ATAD1: variants seen among roughly 807,000 people sequenced by gnomAD.
ATAD1 encodes ATPase family AAA domain containing 1.
Under a neutral mutation model 42.7 loss-of-function variants are expected in ATAD1, and 18 were observed. The observed-to-expected ratio is 0.42, with a 90% CI of 0.29 to 0.63. ATAD1 has a LOEUF of 0.63. Among genes scored for constraint, ATAD1 ranks in the 20% least tolerant of loss-of-function variants. The pLI is 0.19. For synonymous variants in ATAD1, 132 were observed against 143.1 expected (o/e 0.92, Z 0.55); for missense variants, 294 against 440.4 (o/e 0.67, Z 2.98).
At chr10:87,809,941 C>T (rs1857107131) in intron 2 of ATAD1, among the ~76,000 whole-genome samples, 1 of 151,970 alleles carries the variant, frequency 6.6e-6, no homozygotes, top group Non-Finnish European at 1.5e-5. Flanking sequence ...CCACCGTGCC[C>T]GGCCCTTGTT....
At chr10:87,785,391 T>A (rs1258203134) in intron 4 of ATAD1, among the ~76,000 whole-genome samples, 1 of 149,254 alleles carries the variant, frequency 6.7e-6, no homozygotes, top group Non-Finnish European at 1.5e-5. Flanking sequence ...TAATACTAAA[T>A]ATATAATACT....
At chr10:87,817,998 T>G in intron 1 of ATAD1, 169 bp downstream of exon 1, 18 of 985,610 alleles carry the variant, frequency 1.8e-5, no homozygotes, top group Non-Finnish European at 2.2e-5. Flanking sequence ...AGGTTAATCC[T>G]CTAGATACTA....
At chr10:87,807,565 T>C (rs1173914814) in intron 2 of ATAD1, among the ~76,000 whole-genome samples, 1 of 152,186 alleles carries the variant, frequency 6.6e-6, no homozygotes, top group East Asian at 1.9e-4. Flanking sequence ...TTTTCATATG[T>C]TTATTGACCA....
At chr10:87,818,355 G>A (rs74146227), upstream of ATAD1, 4,028 of 702,956 alleles carry the variant, frequency 5.7e-3, 126 homozygotes, top group African/African-American at 0.069. Context: ...GAGCAAATTC[G>A]CGCACCTGAT....
chr10:87,793,355 T>A (rs756460947), intron 2 of ATAD1, among the ~76,000 whole-genome samples: 107 of 152,160 alleles, frequency 7.0e-4, no homozygotes, highest in Non-Finnish European at 1.4e-3. Context: ...GCATTAAACC[T>A]ATGAGTTCTA....
At chr10:87,784,735 A>G (rs1450623328) in intron 4 of ATAD1, 65 bp from the exon 5 acceptor site, 1 of 1,434,580 alleles carries the variant, frequency 7.0e-7, no homozygotes, top group Admixed American at 2.1e-5. Flanking sequence ...ATGATAATCA[A>G]TAGAATAGTA....
intron 6 of ATAD1, among the ~76,000 whole-genome samples, chr10:87,771,755 A>T (rs80220735): frequency 2.1e-5 from 3 of 139,874 alleles, no homozygotes; most frequent in Non-Finnish European, 3.2e-5. Flanking sequence ...TGTAGAGATT[A>T]AAAAAAAAAA....
chr10:87,761,745 T>G (rs1589461471), intron 8 of ATAD1, among the ~76,000 whole-genome samples: 1 of 152,172 alleles, frequency 6.6e-6, no homozygotes. Context: ...AATACTAAAA[T>G]TAAGAGACAT....
rs1856178739 is a variant in ATAD1 at position 87,792,591 on chromosome 10, T to C, written c.261+66A>G. 4 of 1,224,014 alleles carry C rather than the reference T, an allele frequency of 3.3e-6. No individual in the cohort carries two copies. In the Admixed American group the frequency reaches 5.5e-5, roughly 17 times the overall value. The allele number at this position is 1,224,014 out of a possible 1,614,324, so 75.8% of individuals were successfully genotyped here. On this transcript the variant is annotated intron_variant, in intron 3 of 9. Coordinates refer to ENST00000680024, the MANE Select transcript of ATAD1 (RefSeq NM_001321967.2). ...ACCCGGCCGTGATCTTTAAGACCCC[T>C]GACACAAAATGCTAGAACCCACCCC...
chr10:87,778,761 C>A (rs555418474), intron 5 of ATAD1, among the ~76,000 whole-genome samples: 1 of 151,304 alleles, frequency 6.6e-6, no homozygotes, highest in African/African-American at 2.4e-5. Context: ...ATTGGATAGA[C>A]TTTTTTTTTA....
At position 87,772,915 on chromosome 10, in the gene ATAD1, A is replaced by AG. The variant is rs568465245; in HGVS notation, c.691-1875_691-1874insC. 7.3e-3 allele frequency among the ~76,000 whole-genome samples: 1,114 copies of AG among 152,334 alleles called. 9 individuals are homozygous for AG. The highest frequency in any genetic ancestry group is 0.026 in the African/African-American group (1,066 of 41,594). On this transcript the variant is annotated intron_variant, in intron 6 of 9. Transcript: ENST00000680024. ...GTAATTTTTTACTACTTAAGAAACA[A>AG]AATCAATGCTCCTTTTATGTGTTAG...
At chr10:87,759,929 A>G (rs957352658) in intron 8 of ATAD1, 2 of 219,926 alleles carry the variant, frequency 9.1e-6, no homozygotes, top group African/African-American at 4.6e-5. Flanking sequence ...TAGATAAACC[A>G]TGAAATAATG....
intron 2 of ATAD1, among the ~76,000 whole-genome samples, chr10:87,801,922 T>C (rs2132001056): frequency 6.6e-6 from 1 of 152,344 alleles, no homozygotes; most frequent in African/African-American, 2.4e-5. Flanking sequence ...AGACTGAAGT[T>C]ATCTTTTTGA....
chr10:87,791,587 G>C (rs1856119783), intron 3 of ATAD1, among the ~76,000 whole-genome samples: 3 of 152,098 alleles, frequency 2.0e-5, no homozygotes, highest in South Asian at 2.1e-4. Context: ...TCAAATGCAG[G>C]CTTAATTCTA....
chr10:87,790,563 G>A, intron 3 of ATAD1, 133 bp from the exon 4 acceptor site: 1 of 949,318 alleles, frequency 1.1e-6, no homozygotes, highest in Non-Finnish European at 1.4e-6. Context: ...ATTAACATAA[G>A]TAAAGACTTT....
chr10:87,791,454 T>C (rs1294687893), intron 3 of ATAD1, among the ~76,000 whole-genome samples: 1 of 134,416 alleles, frequency 7.4e-6, no homozygotes, highest in African/African-American at 2.7e-5. Flanking sequence ...CAGCCAGATC[T>C]GAAAAAAAAA....
At chr10:87,812,177 T>C (rs990972254) in intron 2 of ATAD1, among the ~76,000 whole-genome samples, 4 of 151,104 alleles carry the variant, frequency 2.6e-5, no homozygotes, top group Admixed American at 6.6e-5. Flanking sequence ...CATACTACTA[T>C]AAGGTGAATT....
At chr10:87,769,325 A>G (rs1854919055) in intron 7 of ATAD1, among the ~76,000 whole-genome samples, 1 of 152,156 alleles carries the variant, frequency 6.6e-6, no homozygotes, top group African/African-American at 2.4e-5. Flanking sequence ...AACTACCCTC[A>G]GAACTCACCA....
chr10:87,809,463 G>C (rs1857076628), intron 2 of ATAD1, among the ~76,000 whole-genome samples: 1 of 151,690 alleles, frequency 6.6e-6, no homozygotes, highest in Admixed American at 6.6e-5. Flanking sequence ...TCTCAGGTTG[G>C]CAGAGGTAAA....
Sources: gnomAD v4.1 joint callset for allele counts (sites outside exome capture counted in the v4.1 genomes callset) on GRCh38, gnomAD v4.1.1 for gene constraint, MANE v1.5 for transcripts, NCBI Gene and HGNC (gene_info 2026-07-23, HGNC 2026-07-21) for gene names.